The following NUP93 variants were observed in gnomAD, a reference collection of about 807,000 sequenced individuals.
NUP93 encodes the protein nuclear pore complex protein Nup93.
In NUP93, 55 loss-of-function variants were observed where a neutral mutation model predicts 107.8. The ratio of observed to expected loss-of-function variants is 0.51; its 90% CI spans 0.41 to 0.64. The LOEUF is 0.64. Ranked by LOEUF, NUP93 falls within the 30% of genes least tolerant of loss-of-function variation. The probability of loss-of-function intolerance (pLI) is 0.00; values close to 1 mark genes in which losing one functional copy is unlikely to be tolerated. For synonymous variants in NUP93, 390 were observed against 397.5 expected (o/e 0.98, Z 0.22); for missense variants, 937 against 1,044.7 (o/e 0.90, Z 1.42).
In NUP93 at chr16:56,795,796, G is replaced by A. The variant is rs148317375; in HGVS notation, c.298-2680G>A. ...CGAGTAGCTGGGATTATAGGCGCCC[G>A]CCACCACGGCTGGCTAATCTTTGTG... On this transcript the variant is annotated intron_variant, in intron 3 of 21. Coordinates refer to ENST00000308159, the MANE Select transcript of NUP93 (RefSeq NM_014669.5). 4.3e-3 allele frequency among the ~76,000 whole-genome samples: 650 copies of A among 152,082 alleles called. 6 individuals carry two copies. Among genetic ancestry groups the A allele is most frequent in the African/African-American group, 0.014 (601 of 41,482 alleles).
intron 5 of NUP93, among the ~76,000 whole-genome samples, chr16:56,810,710 A>T (rs1236409310): frequency 1.3e-5 from 2 of 152,044 alleles, no homozygotes; most frequent in African/African-American, 4.8e-5. Flanking sequence ...ACACACCCAG[A>T]TGAGGAAACA....
chr16:56,831,257 G>T (rs1180913820), intron 10 of NUP93, among the ~76,000 whole-genome samples: 1 of 152,158 alleles, frequency 6.6e-6, no homozygotes, highest in Non-Finnish European at 1.5e-5. Context: ...TTATATATAT[G>T]TACATGTATG....
intron 3 of NUP93, among the ~76,000 whole-genome samples, chr16:56,775,931 A>G (rs1055396285): frequency 2.0e-5 from 3 of 152,190 alleles, no homozygotes; most frequent in Non-Finnish European, 2.9e-5. Context: ...CCCACAGGTC[A>G]TCACCATAGT....
intron 6 of NUP93, among the ~76,000 whole-genome samples, chr16:56,820,174 G>C (rs986669765): frequency 1.1e-4 from 17 of 152,200 alleles, no homozygotes; most frequent in Non-Finnish European, 4.4e-5. Context: ...TATTGTGTCT[G>C]TTTACACGGC....
chr16:56,767,934 GT>G (rs2144497389), intron 3 of NUP93, among the ~76,000 whole-genome samples: 1 of 152,088 alleles, frequency 6.6e-6, no homozygotes, highest in East Asian at 1.9e-4. Context: ...TCTCAAACCA[GT>G]TTTTTTCTTC....
chr16:56,774,882 G>C (rs1419804079), intron 3 of NUP93, among the ~76,000 whole-genome samples: 1 of 149,992 alleles, frequency 6.7e-6, no homozygotes, highest in Non-Finnish European at 1.5e-5. Flanking sequence ...CCAGATTAAG[G>C]TTTTTTTTGT....
At chr16:56,836,501 T>C (rs1327736258) in intron 16 of NUP93, 100 bp from the exon 17 acceptor site, 1 of 721,576 alleles carries the variant, frequency 1.4e-6, no homozygotes, top group East Asian at 2.5e-5. Flanking sequence ...GCAATTCCAC[T>C]TGAAGTATTT....
intron 1 of NUP93, among the ~76,000 whole-genome samples, chr16:56,736,567 G>C (rs2144431387): frequency 6.6e-6 from 1 of 152,320 alleles, no homozygotes; most frequent in East Asian, 1.9e-4. Context: ...GTAACACAGA[G>C]ATGCAAAGGA....
intron 8 of NUP93, 79 bp downstream of exon 8, chr16:56,823,925 A>G: frequency 2.6e-6 from 4 of 1,528,880 alleles, no homozygotes; most frequent in Non-Finnish European, 2.7e-6. Context: ...AGTTGTCCTC[A>G]GGCTAGGTGT....
intron 6 of NUP93, among the ~76,000 whole-genome samples, chr16:56,819,151 A>G (rs879925977): frequency 6.6e-6 from 1 of 152,246 alleles, no homozygotes; most frequent in African/African-American, 2.4e-5. Flanking sequence ...CTTAATAAGC[A>G]TAGTGTATTC....
intron 7 of NUP93, among the ~76,000 whole-genome samples, chr16:56,822,564 C>CTTTTTTTTTTTT (rs56395453): frequency 7.9e-6 from 1 of 126,952 alleles, no homozygotes; most frequent in African/African-American, 3.0e-5. Flanking sequence ...CTTTTCTTTT[C>CTTTTTTTTTTTT]TTTTTTTTTT....
At chr16:56,774,102 AAAG>A (rs1962369585) in intron 3 of NUP93, among the ~76,000 whole-genome samples, 1 of 152,226 alleles carries the variant, frequency 6.6e-6, no homozygotes, top group Non-Finnish European at 1.5e-5. Context: ...AGAGGAGAAT[AAAG>A]AAGAGAGGGA....
chr16:56,797,186 C>G (rs537216839), intron 3 of NUP93, among the ~76,000 whole-genome samples: 19 of 152,244 alleles, frequency 1.2e-4, no homozygotes, highest in African/African-American at 4.3e-4. Flanking sequence ...AGGAGGATCG[C>G]TTGAACCCAG....
At chr16:56,787,315 C>T (rs369762706) in intron 3 of NUP93, among the ~76,000 whole-genome samples, 1 of 152,346 alleles carries the variant, frequency 6.6e-6, no homozygotes, top group African/African-American at 2.4e-5. Flanking sequence ...TGCTGCATAG[C>T]AGGAGGAGCT....
intron 1 of NUP93, among the ~76,000 whole-genome samples, chr16:56,733,710 T>G (rs1961569118): frequency 6.6e-6 from 1 of 152,172 alleles, no homozygotes; most frequent in African/African-American, 2.4e-5. Flanking sequence ...CATAGAGATA[T>G]GAGAATCCCC....
At chr16:56,838,880 A>G (rs1963963997) in intron 18 of NUP93, 72 bp from the exon 19 acceptor site, 3 of 1,023,172 alleles carry the variant, frequency 2.9e-6, no homozygotes, top group Non-Finnish European at 4.5e-6. Flanking sequence ...TTTAAATGCT[A>G]TTCCACTGTT....
At chr16:56,759,527 T>C (rs1230912508) in intron 3 of NUP93, among the ~76,000 whole-genome samples, 1 of 152,174 alleles carries the variant, frequency 6.6e-6, no homozygotes, top group African/African-American at 2.4e-5. Flanking sequence ...TACTTTGAGT[T>C]GAGAGTTGAA....
chr16:56,822,446 C>A (rs7192299), intron 7 of NUP93, among the ~76,000 whole-genome samples: 132,282 of 150,486 alleles, frequency 0.88, 58,448 homozygotes, highest in East Asian at 0.99. Flanking sequence ...CGGGGGGGCC[C>A]AGGCTGCAGT....
chr16:56,817,868 G>A (rs1267278117), intron 5 of NUP93, among the ~76,000 whole-genome samples: 2 of 152,212 alleles, frequency 1.3e-5, no homozygotes, highest in African/African-American at 4.8e-5. Flanking sequence ...TACAACGTAG[G>A]TGTGGAGTAG....
Sources: allele counts gnomAD v4.1 joint callset (sites outside exome capture counted in the v4.1 genomes callset), GRCh38; gene constraint gnomAD v4.1.1; transcripts MANE v1.5; gene names NCBI Gene and HGNC (gene_info 2026-07-23, HGNC 2026-07-21).